The following NRK variants were observed in gnomAD, a reference collection of about 807,000 sequenced individuals.
NRK encodes Nik related kinase.
NRK carries 67 observed loss-of-function variants against 125.2 expected under a neutral mutation model. The observed-to-expected ratio is 0.54, with a 90% CI of 0.44 to 0.66. The LOEUF is 0.66. NRK is among the 30% of genes least tolerant of loss of function. NRK has a pLI of 0.00. For missense variants in NRK, 1,224 were observed against 1,192.9 expected, an observed-to-expected ratio of 1.03 and a Z score of -0.38; for synonymous variants, 458 against 429.0, an observed-to-expected ratio of 1.07 and a Z score of -0.84.
chrX:105,913,472 G>A (rs1002347365), intron 14 of NRK, among the ~76,000 whole-genome samples: 45 of 111,792 alleles, frequency 4.0e-4, no homozygotes, highest in African/African-American at 1.4e-3. Context: ...TCAAAAAACA[G>A]CATTTGTTAA....
In NRK at chrX:105,956,002, G is replaced by A. The variant is rs2040972165; in HGVS notation, c.*402G>A. On this transcript the variant is annotated 3_prime_UTR_variant, in exon 29 of 29. Transcript: ENST00000243300. ...GATTTTTCAGAAAAAGAAAAACATC[G>A]GCAAACTGTGTGTGATTTTTCCAAA... is the stretch of plus-strand genomic sequence containing the variant. 8.8e-6 allele frequency: 1 copy of A among 113,585 alleles called. No individual in the cohort carries two copies. Among genetic ancestry groups the A allele is most frequent in the African/African-American group, 3.3e-5 (1 of 30,763 alleles). The allele number at this position is 113,585 out of a possible 1,213,427, so 9.4% of individuals were successfully genotyped here.
intron 8 of NRK, 136 bp downstream of exon 8, chrX:105,898,850 G>T: frequency 4.3e-6 from 2 of 460,772 alleles, no homozygotes; most frequent in Non-Finnish European, 6.8e-6. Context: ...GGAAATACAA[G>T]CCTCTATTTC....
intron 5 of NRK, among the ~76,000 whole-genome samples, chrX:105,891,995 G>T (rs1413665045): frequency 9.0e-6 from 1 of 111,376 alleles, no homozygotes; most frequent in African/African-American, 3.3e-5. Flanking sequence ...CAAAGTGTGA[G>T]AAATTTTGCA....
intron 2 of NRK, among the ~76,000 whole-genome samples, chrX:105,834,814 G>C (rs1195436670): frequency 9.1e-6 from 1 of 110,411 alleles, no homozygotes. Context: ...ACTTATGAGA[G>C]AGTCAAGGAC....
intron 2 of NRK, among the ~76,000 whole-genome samples, chrX:105,833,092 GTAGA>G (rs1445430263): frequency 9.0e-6 from 1 of 111,548 alleles, no homozygotes; most frequent in Non-Finnish European, 1.9e-5. Context: ...AAACTGAGTA[GTAGA>G]AATAGCATGT....
intron 8 of NRK, among the ~76,000 whole-genome samples, chrX:105,900,011 C>CA (rs2040136095): frequency 9.1e-6 from 1 of 110,394 alleles, no homozygotes; most frequent in African/African-American, 3.3e-5. Flanking sequence ...GTTTAGGAGT[C>CA]ATTTAGCCAG....
chrX:105,955,240 T>C lies in NRK; in HGVS notation c.4654-265T>C, dbSNP rs780103240. Among the ~76,000 whole-genome samples, 4 of 111,335 alleles carry C rather than the reference T, an allele frequency of 3.6e-5. No homozygotes were observed. The South Asian group carries it at 1.5e-3, about 41-fold the overall frequency. ...AAAAATAATCAAGAACTTCAGCAAA[T>C]GAAGGCCACCTACGAAATTACTAAT... On this transcript the variant is annotated intron_variant, in intron 28 of 28. Coordinates refer to ENST00000243300, the MANE Select transcript of NRK (RefSeq NM_198465.4).
chrX:105,860,021 T>A (rs757944922), intron 2 of NRK, among the ~76,000 whole-genome samples: 1 of 112,034 alleles, frequency 8.9e-6, no homozygotes, highest in South Asian at 3.7e-4. Flanking sequence ...AGTATCTCTG[T>A]TTGGCTTTGT....
At chrX:105,908,418 A>G (rs2040247473) in intron 12 of NRK, 115 bp downstream of exon 12, 2 of 458,445 alleles carry the variant, frequency 4.4e-6, no homozygotes, top group Non-Finnish European at 7.1e-6. Context: ...ACAACAAATA[A>G]CAAATCTCTG....
intron 1 of NRK, among the ~76,000 whole-genome samples, chrX:105,827,109 G>T (rs899079085): frequency 6.3e-5 from 7 of 111,689 alleles, no homozygotes; most frequent in Non-Finnish European, 9.4e-5. Flanking sequence ...CACTGGGCTG[G>T]ATGAAGAGAT....
At chrX:105,869,871 A>G (rs758005037) in intron 2 of NRK, among the ~76,000 whole-genome samples, 5 of 112,427 alleles carry the variant, frequency 4.4e-5, no homozygotes, top group Admixed American at 3.8e-4. Context: ...TGCATTTTGC[A>G]TGAGTGTTAA....
rs16984889 is a variant in NRK, at chrX:105,924,697, C to A, written c.2978C>A (p.Ala993Glu). 0.022 allele frequency: 26,105 copies of A among 1,185,258 alleles called. 3,665 individuals carry two copies. The African/African-American group carries it at 0.41, about 18-fold the overall frequency. ...CATTAATTGGAGCTTGTTGTCAGGGCAAGCTATGGCAGAGATGGAAGCTGC... is the reference window on the plus strand; with the variant it reads ...CATTAATTGGAGCTTGTTGTCAGGGAAAGCTATGGCAGAGATGGAAGCTGC... ...NYYEAPSCPRASYGRDGSCKQ... is the reference protein window; with the variant it reads ...NYYEAPSCPRESYGRDGSCKQ... Residue 993 changes from alanine (A) to glutamate (E), a missense_variant and splice_region_variant, in exon 19 of 29, where the codon GCA becomes GAA. Coordinates refer to ENST00000243300, the MANE Select transcript of NRK (RefSeq NM_198465.4).
At chrX:105,847,744 G>T (rs993190483) in intron 2 of NRK, among the ~76,000 whole-genome samples, 1 of 111,929 alleles carries the variant, frequency 8.9e-6, no homozygotes, top group East Asian at 2.8e-4. Flanking sequence ...ATTTTCACAA[G>T]TTTAGAGTAT....
At chrX:105,908,513 A>C (rs1602660912) in intron 12 of NRK, among the ~76,000 whole-genome samples, 1 of 112,529 alleles carries the variant, frequency 8.9e-6, no homozygotes, top group East Asian at 2.8e-4. Context: ...AAGATCAAGT[A>C]GATATCATAT....
chrX:105,933,160 ATGTC>A (rs1357174254), intron 19 of NRK, among the ~76,000 whole-genome samples: 2 of 92,930 alleles, frequency 2.2e-5, no homozygotes, highest in African/African-American at 3.9e-5. Flanking sequence ...GAAAATATCT[ATGTC>A]TGTCTATCTA....
At chrX:105,935,839 G>A (rs2040658551) in intron 21 of NRK, among the ~76,000 whole-genome samples, 1 of 105,603 alleles carries the variant, frequency 9.5e-6, no homozygotes. Context: ...ATACACAACT[G>A]GACTAGGTTA....
chrX:105,847,261 CTG>C (rs1314683474), intron 2 of NRK, among the ~76,000 whole-genome samples: 1 of 112,030 alleles, frequency 8.9e-6, no homozygotes, highest in African/African-American at 3.2e-5. Flanking sequence ...TTCCTCCAGT[CTG>C]TGTCAAAGAG....
rs1455910177 is a variant in NRK, at chrX:105,909,701, A to C, written c.2060A>C (p.Lys687Thr). The C allele has an allele frequency of 8.4e-7, 1 of 1,183,604 alleles. No homozygotes were observed. ...QPEQAREKKS[K>T]VSTLRQALAK... The stretch of plus-strand genomic sequence containing the variant: ...GAACAGGCACGGGAGAAAAAATCAA[A>C]AGTTTCTACTCTGAGGCAAGCACTG... The change falls in exon 13 of 29, where the codon AAA (lysine) becomes ACA (threonine). Residue 687 changes from lysine (K) to threonine (T), a missense_variant. Coordinates refer to ENST00000243300, the MANE Select transcript of NRK (RefSeq NM_198465.4).
rs2040668141 is a variant in NRK, at chrX:105,936,565, C to T, written c.3656-874C>T. On this transcript the variant is annotated intron_variant, in intron 21 of 28. Coordinates refer to ENST00000243300, the MANE Select transcript of NRK (RefSeq NM_198465.4). ...GAAGGCAAAATCACTTAAGTTTTCT[C>T]CTTATGCTCATGGAGCACAGGTATG... Among the ~76,000 whole-genome samples the T allele has an allele frequency of 3.6e-5, 4 of 111,726 alleles. No homozygotes were observed. In the Admixed American group the frequency reaches 3.8e-4, roughly 11 times the overall value.
Sources: gnomAD v4.1 joint callset for allele counts (sites outside exome capture counted in the v4.1 genomes callset) on GRCh38, gnomAD v4.1.1 for gene constraint, MANE v1.5 for transcripts, NCBI Gene and HGNC (gene_info 2026-07-23, HGNC 2026-07-21) for gene names.